IFITM10: variants seen among roughly 807,000 people sequenced by gnomAD.
IFITM10 encodes the protein interferon-induced transmembrane protein 10.
A neutral mutation model predicts 19.0 loss-of-function variants in IFITM10; 17 were observed. The ratio of observed to expected loss-of-function variants is 0.90; its 90% CI spans 0.61 to 1.34. The LOEUF is 1.34. Ranked by LOEUF, IFITM10 falls within the 40% of genes most tolerant of loss-of-function variation. IFITM10 has a pLI of 0.00. For synonymous variants in IFITM10, 148 were observed against 147.2 expected, an observed-to-expected ratio of 1.01 and a Z score of -0.04; for missense variants, 306 against 319.8, an observed-to-expected ratio of 0.96 and a Z score of 0.33.
chr11:1,737,072 C>T (rs1406092788), intron 2 of IFITM10, among the ~76,000 whole-genome samples: 1 of 152,164 alleles, frequency 6.6e-6, no homozygotes, highest in Non-Finnish European at 1.5e-5. Flanking sequence ...AGGAAACTGA[C>T]ATCTGCAATG....
Position 1,732,800 on chromosome 11 carries a change from A to T in IFITM10, c.*2480T>A, listed in dbSNP as rs1327409974. ...AAGGTGACCGTTCCATTTCCCCAAC[A>T]TGAACTCAGAAAGCTTCAGCCAGGC... On this transcript the variant is annotated 3_prime_UTR_variant, in exon 3 of 3. Transcript: ENST00000340134. The T allele has an allele frequency of 1.3e-5, 2 of 152,106 alleles. No individual in the cohort carries two copies. Among genetic ancestry groups the T allele is most frequent in the Non-Finnish European group, 2.9e-5 (2 of 67,998 alleles). 9.4% of individuals were successfully genotyped at this position (152,106 alleles called of 1,614,324 possible).
At position 1,735,549 on chromosome 11, in the gene IFITM10, G is replaced by A. The variant is rs183136185; in HGVS notation, c.538-120C>T. The A allele has an allele frequency of 5.3e-3, 4,640 of 880,602 alleles. 22 individuals are homozygous for A. The highest frequency in any genetic ancestry group is 6.7e-3 in the Non-Finnish European group (3,989 of 592,972). 54.5% of individuals were successfully genotyped at this position (880,602 alleles called of 1,614,324 possible). A position where few individuals can be genotyped will look rare whatever the true frequency, so the allele number is the denominator to read the frequency against. On this transcript the variant is annotated intron_variant, in intron 2 of 2. Coordinates refer to ENST00000340134, the MANE Select transcript of IFITM10 (RefSeq NM_001170820.4). The stretch of plus-strand genomic sequence containing the variant: ...AGCACAGTACCAGTGCTTTGTTTCC[G>A]AGAGCTGACGAATGAACGATGGTTC...
intron 2 of IFITM10, among the ~76,000 whole-genome samples, chr11:1,740,103 C>T (rs1004174924): frequency 5.3e-5 from 8 of 152,004 alleles, no homozygotes; most frequent in Admixed American, 1.3e-4. Context: ...AGTTTGAGAT[C>T]AGCCTGACCA....
Position 1,732,699 on chromosome 11 carries a change from A to G in IFITM10, c.*2581T>C, listed in dbSNP as rs550093714. On this transcript the variant is annotated 3_prime_UTR_variant, in exon 3 of 3. Coordinates refer to ENST00000340134, the MANE Select transcript of IFITM10 (RefSeq NM_001170820.4). The stretch of plus-strand genomic sequence containing the variant: ...CCCCGGTCCCCAGGGTATGGAAGCC[A>G]GGGGCCTTTGTAGCCCCACATTGCC... 1 of 152,374 alleles carries G rather than the reference A, an allele frequency of 6.6e-6. No individual in the cohort carries two copies. The highest frequency in any genetic ancestry group is 2.4e-5 in the African/African-American group (1 of 41,576). The allele number at this position is 152,374 out of a possible 1,614,324, so 9.4% of individuals were successfully genotyped here. A position where few individuals can be genotyped will look rare whatever the true frequency, so the allele number is the denominator to read the frequency against.
At chr11:1,749,229 C>T in intron 1 of IFITM10, 1 of 360,648 alleles carries the variant, frequency 2.8e-6, no homozygotes, top group Non-Finnish European at 3.9e-6. Flanking sequence ...GGCTGCAGCC[C>T]AGAGCCTGAC....
intron 2 of IFITM10, among the ~76,000 whole-genome samples, chr11:1,736,089 C>T (rs1851083927): frequency 6.6e-6 from 1 of 152,218 alleles, no homozygotes; most frequent in African/African-American, 2.4e-5. Context: ...CCCTCCTCAG[C>T]ACTCTTTCCT....
intron 2 of IFITM10, among the ~76,000 whole-genome samples, chr11:1,741,693 T>A (rs1002593458): frequency 6.6e-6 from 1 of 151,890 alleles, no homozygotes; most frequent in African/African-American, 2.4e-5. Context: ...ATGGAACAGG[T>A]CACTGGAGGA....
At chr11:1,750,225 C>T (rs188679548) in intron 1 of IFITM10, 134 bp downstream of exon 1, 36 of 1,480,838 alleles carry the variant, frequency 2.4e-5, no homozygotes, top group Middle Eastern at 1.8e-4. Flanking sequence ...GTATGCTTGA[C>T]GCCAGCTGAT....
intron 2 of IFITM10, 30 bp from the exon 3 acceptor site, chr11:1,735,459 C>G: frequency 1.3e-6 from 2 of 1,546,276 alleles, no homozygotes; most frequent in Non-Finnish European, 8.7e-7. Context: ...AGGAAATGGG[C>G]AGTCAGCCAG....
In IFITM10 at chr11:1,750,595, C is replaced by G; in HGVS notation, c.-153G>C. 1 of 942,602 alleles carries G rather than the reference C, an allele frequency of 1.1e-6. No individual in the cohort carries two copies. Among genetic ancestry groups the G allele is most frequent in the Non-Finnish European group, 1.6e-6 (1 of 633,328 alleles). The allele number at this position is 942,602 out of a possible 1,614,324, so 58.4% of individuals were successfully genotyped here. On this transcript the variant is annotated 5_prime_UTR_variant, in exon 1 of 3. Transcript: ENST00000340134. The stretch of plus-strand genomic sequence containing the variant: ...CTGTGCCTGACTCTGAACCCTTTCT[C>G]TCCCCAAACCTCTGTTCTGAACCCT...
chr11:1,739,804 G>T (rs1851126448), intron 2 of IFITM10, among the ~76,000 whole-genome samples: 1 of 152,170 alleles, frequency 6.6e-6, no homozygotes, highest in African/African-American at 2.4e-5. Flanking sequence ...GCATAGAGCT[G>T]TCTGTGCAGG....
intron 2 of IFITM10, 141 bp from the exon 3 acceptor site, chr11:1,735,570 G>C (rs932875595): frequency 3.7e-5 from 29 of 785,330 alleles, no homozygotes; most frequent in Admixed American, 8.8e-5. Flanking sequence ...AATGAACGAT[G>C]GTTCTAGAGG....
intron 2 of IFITM10, among the ~76,000 whole-genome samples, 171 bp from the exon 3 acceptor site, chr11:1,735,600 G>A (rs1285810081): frequency 6.6e-6 from 1 of 152,172 alleles, no homozygotes; most frequent in African/African-American, 2.4e-5. Context: ...CTGCCCTGGG[G>A]CACTGTACAC....
intron 2 of IFITM10, chr11:1,746,449 C>T (rs1486276104): frequency 2.5e-6 from 1 of 397,696 alleles, no homozygotes; most frequent in Non-Finnish European, 4.4e-6. Context: ...TGCAATTACA[C>T]GTGAGTACAC....
intron 2 of IFITM10, chr11:1,746,267 A>G: frequency 8.1e-6 from 2 of 246,124 alleles, no homozygotes; most frequent in Non-Finnish European, 1.4e-5. Context: ...CACCCACGTA[A>G]TTACACACAT....
intron 2 of IFITM10, among the ~76,000 whole-genome samples, chr11:1,744,008 G>A (rs61409949): frequency 0.31 from 47,357 of 151,926 alleles, 8,739 homozygotes; most frequent in African/African-American, 0.51. Flanking sequence ...CCCCTAGACT[G>A]CCCCACCTAC....
intron 2 of IFITM10, among the ~76,000 whole-genome samples, chr11:1,738,842 T>C (rs1851114210): frequency 6.6e-6 from 1 of 151,676 alleles, no homozygotes; most frequent in South Asian, 2.1e-4. Context: ...GGGTGGATCA[T>C]GAGGTCAGGA....
At chr11:1,739,272 C>A (rs879428109) in intron 2 of IFITM10, among the ~76,000 whole-genome samples, 5 of 151,892 alleles carry the variant, frequency 3.3e-5, no homozygotes, top group Non-Finnish European at 7.4e-5. Context: ...ATGGGTGGAA[C>A]AGGTAGATCA....
intron 1 of IFITM10, among the ~76,000 whole-genome samples, chr11:1,749,928 G>A (rs954420175): frequency 3.3e-5 from 5 of 152,144 alleles, no homozygotes; most frequent in Admixed American, 6.5e-5. Context: ...GAGTCTGGGA[G>A]AATGTGGCCT....
Sources: gnomAD v4.1 joint callset for allele counts (sites outside exome capture counted in the v4.1 genomes callset) on GRCh38, gnomAD v4.1.1 for gene constraint, MANE v1.5 for transcripts, NCBI Gene and HGNC (gene_info 2026-07-23, HGNC 2026-07-21) for gene names.